CD8B2: variants seen among roughly 807,000 people sequenced by gnomAD.
The protein encoded by CD8B2 is T-cell surface glycoprotein CD8 beta-2 chain.
In CD8B2, 11 loss-of-function variants were observed where a neutral mutation model predicts 23.7. That is an observed-to-expected ratio of 0.46 (90% CI 0.29 to 0.77). CD8B2 has a LOEUF of 0.77. CD8B2 is among the 30% of genes least tolerant of loss of function. CD8B2 has a pLI of 0.09. For synonymous variants in CD8B2, 90 were observed against 109.3 expected (o/e 0.82, Z 1.10); for missense variants, 197 against 270.5 (o/e 0.73, Z 1.91).
intron 3 of CD8B2, among the ~76,000 whole-genome samples, chr2:106,496,991 T>C (rs142922723): frequency 0.061 from 9,314 of 152,240 alleles, 311 homozygotes; most frequent in Middle Eastern, 0.13. Context: ...TTTTCCAGTT[T>C]TGGCCAGACG....
intron 5 of CD8B2, among the ~76,000 whole-genome samples, chr2:106,504,944 C>T (rs763452458): frequency 1.3e-5 from 2 of 152,176 alleles, no homozygotes; most frequent in Non-Finnish European, 2.9e-5. Context: ...CCACCTGCCG[C>T]CCTCGACCCC....
At chr2:106,501,811 C>A (rs955804604) in intron 3 of CD8B2, among the ~76,000 whole-genome samples, 1 of 152,116 alleles carries the variant, frequency 6.6e-6, no homozygotes, top group Non-Finnish European at 1.5e-5. Context: ...TCAGGGAACA[C>A]TCTAATCCTA....
chr2:106,495,513 T>C (rs1291239131), intron 2 of CD8B2, among the ~76,000 whole-genome samples: 1 of 152,102 alleles, frequency 6.6e-6, no homozygotes, highest in East Asian at 1.9e-4. Context: ...CCCTCCAGCC[T>C]GGGCTACAGA....
Position 106,502,354 on chromosome 2 carries a change from A to G in CD8B2, c.494-120A>G, listed in dbSNP as rs878905200. The stretch of plus-strand genomic sequence containing the variant: ...AAACATACATTACATCGAAATACAA[A>G]TGGTGGTATTCTCTGGGAGGTGGGG... On this transcript the variant is annotated intron_variant, in intron 3 of 5. Transcript: ENST00000643224. The G allele has an allele frequency of 5.1e-5, 30 of 591,856 alleles. No homozygotes were observed. The South Asian group carries it at 5.5e-4, about 11-fold the overall frequency. 36.7% of individuals were successfully genotyped at this position (591,856 alleles called of 1,614,324 possible). A position where few individuals can be genotyped will look rare whatever the true frequency, so the allele number is the denominator to read the frequency against.
chr2:106,531,986 C>T (rs140009025), intron 5 of CD8B2, among the ~76,000 whole-genome samples: 19 of 152,326 alleles, frequency 1.2e-4, no homozygotes, highest in African/African-American at 3.1e-4. Context: ...GGTCTGCATC[C>T]GCCATCCCAG....
chr2:106,537,482 A>C (rs1680107559), intron 5 of CD8B2, among the ~76,000 whole-genome samples: 1 of 152,170 alleles, frequency 6.6e-6, no homozygotes, highest in African/African-American at 2.4e-5. Context: ...ACTTAATTTT[A>C]AGTACAGTAT....
exon 6 of CD8B2, chr2:106,544,068 G>A: frequency 2.5e-6 from 1 of 398,592 alleles, no homozygotes; most frequent in Non-Finnish European, 4.4e-6. Flanking sequence ...ATCCGCTTTG[G>A]TCAAGAGCAC....
In CD8B2 at chr2:106,499,051, AAGCACGTTATTTGC is replaced by A. The variant is rs1377509995; in HGVS notation, c.493+2794_493+2807del. On this transcript the variant is annotated intron_variant, in intron 3 of 5. Coordinates refer to ENST00000643224, the MANE Select transcript of CD8B2 (RefSeq NM_001349727.2). The stretch of plus-strand genomic sequence containing the variant: ...GGCTCTGGCAAATGACCCCTTACCC[AAGCACGTTATTTGC>A]AGCAGCAACTTTTCCCGGAGAGTCA... 2.0e-5 allele frequency among the ~76,000 whole-genome samples: 3 copies of A among 152,134 alleles called. No individual in the cohort carries two copies. The East Asian group carries it at 5.8e-4, about 30-fold the overall frequency.
downstream of CD8B2, among the ~76,000 whole-genome samples, chr2:106,515,965 A>G (rs1679723085): frequency 6.6e-6 from 1 of 151,846 alleles, no homozygotes; most frequent in African/African-American, 2.4e-5. Flanking sequence ...TGGGATTACA[A>G]GCACCCACCA....
chr2:106,540,939 G>A (rs1310544606), intron 5 of CD8B2, among the ~76,000 whole-genome samples: 1 of 152,164 alleles, frequency 6.6e-6, no homozygotes, highest in African/African-American at 2.4e-5. Flanking sequence ...GCATATCAGG[G>A]GAGCTTCATT....
chr2:106,503,110 C>T (rs1313797221), intron 4 of CD8B2, among the ~76,000 whole-genome samples: 4 of 149,332 alleles, frequency 2.7e-5, no homozygotes, highest in Admixed American at 6.7e-5. Context: ...TTCTATGGCC[C>T]CCACCCCAAG....
rs573818908 is a variant in CD8B2, at chr2:106,509,010, C to T, written c.*2070C>T. On this transcript the variant is annotated 3_prime_UTR_variant, in exon 6 of 6. Coordinates refer to ENST00000643224, the MANE Select transcript of CD8B2 (RefSeq NM_001349727.2). Reference sequence around the variant, plus strand: ...ACAAATTGGCCTCAGATTCCCTGCCCCCAGACGTAGGTGTTTCTCCTTCAT... The same window carrying T: ...ACAAATTGGCCTCAGATTCCCTGCCTCCAGACGTAGGTGTTTCTCCTTCAT... The T allele has an allele frequency of 9.9e-5, 15 of 151,104 alleles. No homozygotes were observed. Among genetic ancestry groups the T allele is most frequent in the African/African-American group, 3.2e-4 (13 of 40,858 alleles). The allele number at this position is 151,104 out of a possible 1,614,324, so 9.4% of individuals were successfully genotyped here.
chr2:106,521,046 G>A (rs1437062544), intron 5 of CD8B2, among the ~76,000 whole-genome samples: 1 of 145,456 alleles, frequency 6.9e-6, no homozygotes, highest in Non-Finnish European at 1.5e-5. Flanking sequence ...GAGAGAGAGA[G>A]AGAAAGAGAG....
intron 2 of CD8B2, among the ~76,000 whole-genome samples, chr2:106,495,563 AAAAT>A (rs1159533371): frequency 1.3e-5 from 2 of 152,176 alleles, no homozygotes; most frequent in Admixed American, 6.5e-5. Flanking sequence ...TAAAAAAATA[AAAAT>A]AAATAAATCA....
chr2:106,516,019 G>A (rs1238532534), downstream of CD8B2, among the ~76,000 whole-genome samples: 2 of 151,300 alleles, frequency 1.3e-5, no homozygotes, highest in African/African-American at 4.9e-5. Flanking sequence ...TGGTAGAGTC[G>A]GGGTTTCACC....
At chr2:106,543,278 T>C (rs1020975652) in intron 5 of CD8B2, 2 of 152,168 alleles carry the variant, frequency 1.3e-5, no homozygotes, top group African/African-American at 4.8e-5. Context: ...TCCCAGTACT[T>C]TGGGAGGCTG....
At chr2:106,514,943 A>G (rs1313419933), downstream of CD8B2, among the ~76,000 whole-genome samples, 3 of 152,266 alleles carry the variant, frequency 2.0e-5, no homozygotes, top group Non-Finnish European at 4.4e-5. Context: ...AATGTAAAAC[A>G]GTGATGCTGC....
intron 5 of CD8B2, among the ~76,000 whole-genome samples, chr2:106,516,631 G>T (rs992626005): frequency 6.6e-6 from 1 of 152,024 alleles, no homozygotes; most frequent in African/African-American, 2.4e-5. Context: ...CACCATTATC[G>T]CCCTGCCTGT....
At position 106,487,391 on chromosome 2, in the gene CD8B2, C is replaced by G. The variant is rs1352761884; in HGVS notation, c.-36C>G. 17 of 1,205,874 alleles carry G rather than the reference C, an allele frequency of 1.4e-5. No individual in the cohort carries two copies. The highest frequency in any genetic ancestry group is 1.8e-5 in the Non-Finnish European group (17 of 964,464). The allele number at this position is 1,205,874 out of a possible 1,614,324, so 74.7% of individuals were successfully genotyped here. A position where few individuals can be genotyped will look rare whatever the true frequency, so the allele number is the denominator to read the frequency against. On this transcript the variant is annotated 5_prime_UTR_variant, in exon 1 of 6. Transcript: ENST00000643224. The stretch of plus-strand genomic sequence containing the variant: ...CCACCCCAGCCGCGACTGTCTCCGC[C>G]GAGCCCCCGGGGCCAGGTGTCCCGG...
Sources: gnomAD v4.1 joint callset for allele counts (sites outside exome capture counted in the v4.1 genomes callset) on GRCh38, gnomAD v4.1.1 for gene constraint, MANE v1.5 for transcripts, NCBI Gene and HGNC (gene_info 2026-07-23, HGNC 2026-07-21) for gene names.